NKD1: variants seen among roughly 807,000 people sequenced by gnomAD.
NKD1 encodes the protein NKD inhibitor of Wnt signaling pathway 1, also known as protein naked cuticle homolog 1.
In NKD1, 21 loss-of-function variants were observed where a neutral mutation model predicts 56.0. The ratio of observed to expected loss-of-function variants is 0.38; its 90% CI spans 0.27 to 0.54. The LOEUF (loss-of-function observed/expected upper bound fraction) is 0.54, where lower values mean the gene tolerates loss of function less well. Ranked by LOEUF, NKD1 falls within the 20% of genes least tolerant of loss-of-function variation. The pLI is 0.82. For synonymous variants in NKD1, 263 were observed against 265.7 expected, an observed-to-expected ratio of 0.99 and a Z score of 0.10; for missense variants, 578 against 642.7, an observed-to-expected ratio of 0.90 and a Z score of 1.09.
intron 3 of NKD1, among the ~76,000 whole-genome samples, chr16:50,600,211 A>C (rs1407907706): frequency 6.6e-6 from 1 of 152,152 alleles, no homozygotes; most frequent in Non-Finnish European, 1.5e-5. Context: ...GAATTTGTTC[A>C]ATATGAATTG....
At chr16:50,625,289 A>C (rs781554058) in intron 5 of NKD1, 196 bp from the exon 6 acceptor site, 3 of 596,968 alleles carry the variant, frequency 5.0e-6, no homozygotes, top group Non-Finnish European at 9.0e-6. Flanking sequence ...CCCAGGCCAA[A>C]CCTCCCCTGC....
chr16:50,548,628 C>A, intron 1 of NKD1, 50 bp downstream of exon 1: 1 of 1,446,208 alleles, frequency 6.9e-7, no homozygotes, highest in Non-Finnish European at 9.0e-7. Context: ...GCCGTCGCCG[C>A]CGCGGTCGCT....
chr16:50,550,505 G>T (rs1187109145), intron 3 of NKD1, among the ~76,000 whole-genome samples: 4 of 152,110 alleles, frequency 2.6e-5, no homozygotes, highest in Non-Finnish European at 4.4e-5. Flanking sequence ...CGCTTGCAGT[G>T]CTGGTGTCGG....
chr16:50,573,913 A>G (rs1399527509), intron 3 of NKD1: 10 of 985,392 alleles, frequency 1.0e-5, no homozygotes, highest in Non-Finnish European at 1.1e-5. Context: ...GCTGTTGACT[A>G]TATATGTCTG....
chr16:50,608,781 G>A lies in NKD1; in HGVS notation c.259+421G>A, dbSNP rs755935559. ...CCATCATGTCACTCTCTTGGTGCAT[G>A]AGTGTGCACACACACACACAGCCAG... On this transcript the variant is annotated intron_variant, in intron 4 of 9. Coordinates refer to ENST00000268459, the MANE Select transcript of NKD1 (RefSeq NM_033119.5). 5.8e-4 allele frequency among the ~76,000 whole-genome samples: 89 copies of A among 152,218 alleles called. 1 individual carries two copies. Among genetic ancestry groups the A allele is most frequent in the Admixed American group, 1.3e-3 (20 of 15,292 alleles).
chr16:50,548,816 C>G (rs998980549), intron 2 of NKD1, 67 bp downstream of exon 2: 2 of 1,332,032 alleles, frequency 1.5e-6, no homozygotes, highest in Admixed American at 4.1e-5. Context: ...GGCAGAACGG[C>G]CCAGCCCGCC....
At position 50,633,574 on chromosome 16, in the gene NKD1, C is replaced by A; in HGVS notation, c.1206C>A (p.His402Gln). The part of the protein sequence containing the change: ...PSLAPLGHKK[H>Q]KHRAKESQQG... The stretch of plus-strand genomic sequence containing the variant: ...TAGCCCCCCTCGGGCACAAGAAGCA[C>A]AAGCACCGAGCCAAGGAGAGCCAGC... Residue 402 changes from histidine (H) to glutamine (Q), a missense_variant, in exon 10 of 10, where the codon CAC becomes CAA. By Grantham distance (24) the His-to-Gln change is conservative. Coordinates refer to ENST00000268459, the MANE Select transcript of NKD1 (RefSeq NM_033119.5). The surrounding 1 kb of genome is among the most constrained non-coding windows in gnomAD (Gnocchi z 4.9). 1 of 1,611,616 alleles carries A rather than the reference C, an allele frequency of 6.2e-7. No individual in the cohort carries two copies. The highest frequency in any genetic ancestry group is 8.5e-7 in the Non-Finnish European group (1 of 1,179,558).
Position 50,632,429 on chromosome 16 carries a change from G to C in NKD1, c.823+21G>C. On this transcript the variant is annotated intron_variant, in intron 9 of 9. Coordinates refer to ENST00000268459, the MANE Select transcript of NKD1 (RefSeq NM_033119.5). The surrounding 1 kb of genome is among the most constrained non-coding windows in gnomAD (Gnocchi z 4.1). The stretch of plus-strand genomic sequence containing the variant: ...GCCTGGTAAGGGACTCAAGCACCCT[G>C]CAATGGGCGATGAGGGCAGGGCGTG... The C allele has an allele frequency of 6.2e-7, 1 of 1,613,898 alleles. No homozygotes were observed. The highest frequency in any genetic ancestry group is 8.5e-7 in the Non-Finnish European group (1 of 1,179,830).
chr16:50,602,895 C>T (rs549047859), intron 3 of NKD1, among the ~76,000 whole-genome samples: 12 of 152,352 alleles, frequency 7.9e-5, no homozygotes, highest in African/African-American at 2.9e-4. Context: ...GTGTTCCTGA[C>T]TGCAGGTTAA....
chr16:50,621,556 C>T (rs748192897), intron 4 of NKD1, 46 bp from the exon 5 acceptor site: 6 of 1,407,714 alleles, frequency 4.3e-6, no homozygotes, highest in South Asian at 3.6e-5. Flanking sequence ...GGCTGCCCGG[C>T]GTCTGGACCC....
Position 50,574,138 on chromosome 16 carries a change from G to A in NKD1, c.192+24583G>A, listed in dbSNP as rs534361597. 1.6e-3 allele frequency: 1,459 copies of A among 908,362 alleles called. 3 individuals carry two copies. The highest frequency in any genetic ancestry group is 1.8e-3 in the Non-Finnish European group (1,387 of 759,892). 56.3% of individuals were successfully genotyped at this position (908,362 alleles called of 1,614,324 possible). On this transcript the variant is annotated intron_variant, in intron 3 of 9. Coordinates refer to ENST00000268459, the MANE Select transcript of NKD1 (RefSeq NM_033119.5). ...CTAGTCACATGGGTATTGGGTGATA[G>A]AACTTGATGCTGGATCCAAATGCAG... is the stretch of plus-strand genomic sequence containing the variant.
At chr16:50,624,564 C>T (rs1962167655) in intron 5 of NKD1, among the ~76,000 whole-genome samples, 1 of 152,228 alleles carries the variant, frequency 6.6e-6, no homozygotes, top group African/African-American at 2.4e-5. Context: ...TTCCAATTCC[C>T]ATAAGCAGAC....
At position 50,633,651 on chromosome 16, in the gene NKD1, G is replaced by A. The variant is rs1006690356; in HGVS notation, c.1283G>A (p.Gly428Glu). Residue 428 changes from glycine (G) to glutamate (E), a missense_variant, in exon 10 of 10, where the codon GGG becomes GAG. Transcript: ENST00000268459. This position sits in a 1 kb window ranked among gnomAD's most constrained non-coding sequence, Gnocchi z 4.9. ...APLASGGPVLGREHLRELPAL... is the reference protein window; with the variant it reads ...APLASGGPVLEREHLRELPAL... The stretch of plus-strand genomic sequence containing the variant: ...CTGGCCTCAGGTGGCCCTGTCCTGG[G>A]GCGGGAGCACCTGCGGGAGCTGCCC... 1.2e-6 allele frequency: 2 copies of A among 1,606,254 alleles called. No homozygotes were observed. Among genetic ancestry groups the A allele is most frequent in the Non-Finnish European group, 1.7e-6 (2 of 1,177,012 alleles).
chr16:50,568,565 AG>A (rs749866610), intron 3 of NKD1, among the ~76,000 whole-genome samples: 2 of 152,028 alleles, frequency 1.3e-5, no homozygotes, highest in African/African-American at 2.4e-5. Context: ...GCAGCGAGAG[AG>A]GGGGGTCTTC....
At chr16:50,562,605 C>T (rs1960658456) in intron 3 of NKD1, among the ~76,000 whole-genome samples, 1 of 152,126 alleles carries the variant, frequency 6.6e-6, no homozygotes, top group Admixed American at 6.5e-5. Context: ...CGGCCGAGGA[C>T]CACCTACATC....
rs527870617 is a variant in NKD1, at chr16:50,639,338, G to A, written c.*5557G>A. The A allele has an allele frequency of 6.6e-6, 1 of 152,344 alleles. No homozygotes were observed. The highest frequency in any genetic ancestry group is 1.5e-5 in the Non-Finnish European group (1 of 68,052). The allele number at this position is 152,344 out of a possible 1,614,324, so 9.4% of individuals were successfully genotyped here. A position where few individuals can be genotyped will look rare whatever the true frequency, so the allele number is the denominator to read the frequency against. ...CCAGGCCCACCCCCAGAGATGAGCTGAGGTGGGTCAGGGGTGAAGTGCAGG... is the reference window on the plus strand; with the variant it reads ...CCAGGCCCACCCCCAGAGATGAGCTAAGGTGGGTCAGGGGTGAAGTGCAGG... On this transcript the variant is annotated 3_prime_UTR_variant, in exon 10 of 10. Coordinates refer to ENST00000268459, the MANE Select transcript of NKD1 (RefSeq NM_033119.5).
chr16:50,569,331 A>G (rs1193283121), intron 3 of NKD1, among the ~76,000 whole-genome samples: 2 of 152,174 alleles, frequency 1.3e-5, no homozygotes, highest in Non-Finnish European at 2.9e-5. Context: ...TTCGCCCATG[A>G]GAAATGCACT....
chr16:50,562,980 A>ACCCC (rs1330575476), intron 3 of NKD1, among the ~76,000 whole-genome samples: 38 of 56,356 alleles, frequency 6.7e-4, no homozygotes, highest in African/African-American at 1.1e-3. Flanking sequence ...GCTAGGTCCC[A>ACCCC]CCACCACCCC....
chr16:50,632,463 G>T lies in NKD1; in HGVS notation c.823+55G>T. On this transcript the variant is annotated intron_variant, in intron 9 of 9. Coordinates refer to ENST00000268459, the MANE Select transcript of NKD1 (RefSeq NM_033119.5). The surrounding 1 kb of genome is among the most constrained non-coding windows in gnomAD (Gnocchi z 4.1). ...GATGAGGGCAGGGCGTGGCTGGACG[G>T]GCCAGGCGGGCCGTGCGGGTGGTGT... 6.3e-7 allele frequency: 1 copy of T among 1,598,536 alleles called. No homozygotes were observed.
Sources: allele counts gnomAD v4.1 joint callset (sites outside exome capture counted in the v4.1 genomes callset), GRCh38; gene constraint gnomAD v4.1.1; non-coding constraint Gnocchi (gnomAD v3.1); transcripts MANE v1.5; gene names NCBI Gene and HGNC (gene_info 2026-07-23, HGNC 2026-07-21).